TRHDE: variants seen among roughly 807,000 people sequenced by gnomAD.
The protein encoded by TRHDE is thyrotropin-releasing hormone-degrading ectoenzyme.
A neutral mutation model predicts 125.7 loss-of-function variants in TRHDE; 72 were observed. That is an observed-to-expected ratio of 0.57 (90% CI 0.47 to 0.70). The LOEUF is 0.70. TRHDE is among the 30% of genes least tolerant of loss of function. TRHDE has a pLI of 0.00. For synonymous variants in TRHDE, 509 were observed against 509.1 expected, an observed-to-expected ratio of 1.00 and a Z score of 0.00; for missense variants, 1,110 against 1,327.1, an observed-to-expected ratio of 0.84 and a Z score of 2.54.
At chr12:72,565,565 T>C (rs899790789) in intron 9 of TRHDE, among the ~76,000 whole-genome samples, 1 of 152,200 alleles carries the variant, frequency 6.6e-6, no homozygotes, top group Non-Finnish European at 1.5e-5. Context: ...AATGATTCCC[T>C]ATACACTGAG....
intron 2 of TRHDE, among the ~76,000 whole-genome samples, chr12:72,214,307 A>G (rs1301503414): frequency 1.3e-5 from 2 of 152,228 alleles, no homozygotes; most frequent in African/African-American, 4.8e-5. Flanking sequence ...TAATTTGACT[A>G]GAAATTAATA....
At chr12:72,464,027 A>G (rs1191571386) in intron 3 of TRHDE, among the ~76,000 whole-genome samples, 1 of 152,174 alleles carries the variant, frequency 6.6e-6, no homozygotes, top group Non-Finnish European at 1.5e-5. Flanking sequence ...AGGGCAAAAC[A>G]AAAAGCTGCA....
intron 3 of TRHDE, among the ~76,000 whole-genome samples, chr12:72,404,859 C>A (rs948072668): frequency 6.6e-6 from 1 of 152,122 alleles, no homozygotes; most frequent in Admixed American, 6.6e-5. Context: ...TAACCATGGG[C>A]AAGTTTGTTA....
intron 2 of TRHDE, among the ~76,000 whole-genome samples, chr12:72,226,133 C>T (rs1315101418): frequency 6.6e-6 from 1 of 152,210 alleles, no homozygotes; most frequent in Non-Finnish European, 1.5e-5. Flanking sequence ...ACCAGGATCT[C>T]TCCTTTATTT....
chr12:72,632,132 C>A (rs1330520952), intron 15 of TRHDE, among the ~76,000 whole-genome samples: 2 of 151,942 alleles, frequency 1.3e-5, no homozygotes, highest in Non-Finnish European at 1.5e-5. Flanking sequence ...AGACCTGGGT[C>A]GTGATTTGAA....
chr12:72,476,458 A>G (rs1466705797), intron 5 of TRHDE, among the ~76,000 whole-genome samples: 2 of 152,214 alleles, frequency 1.3e-5, no homozygotes, highest in African/African-American at 4.8e-5. Flanking sequence ...CATCAGCAAA[A>G]GAGTGAAAGA....
chr12:72,616,212 C>T (rs1486221080), intron 12 of TRHDE, among the ~76,000 whole-genome samples: 2 of 152,038 alleles, frequency 1.3e-5, no homozygotes, highest in African/African-American at 4.8e-5. Context: ...ATTTTTTTCA[C>T]ACAATGCCAG....
At chr12:72,557,090 C>G (rs902423978) in intron 7 of TRHDE, among the ~76,000 whole-genome samples, 11 of 152,152 alleles carry the variant, frequency 7.2e-5, no homozygotes, top group Admixed American at 2.0e-4. Context: ...GGGTAAAGTT[C>G]AAACAATGCC....
intron 2 of TRHDE, among the ~76,000 whole-genome samples, chr12:72,314,496 G>T (rs1868706594): frequency 6.6e-6 from 1 of 152,028 alleles, no homozygotes; most frequent in South Asian, 2.1e-4. Context: ...CACTATGGCA[G>T]CATTTACTGT....
chr12:72,491,884 T>A (rs1168040023), intron 5 of TRHDE, among the ~76,000 whole-genome samples: 1 of 152,032 alleles, frequency 6.6e-6, no homozygotes, highest in Non-Finnish European at 1.5e-5. Flanking sequence ...GTAATGCTTA[T>A]GCAAAATCAC....
At chr12:72,359,915 G>A (rs111718353) in intron 2 of TRHDE, among the ~76,000 whole-genome samples, 1 of 151,818 alleles carries the variant, frequency 6.6e-6, no homozygotes, top group East Asian at 1.9e-4. Context: ...CACGGTGAGA[G>A]ACTGACTAGC....
At chr12:72,484,303 G>A (rs866800973) in intron 5 of TRHDE, among the ~76,000 whole-genome samples, 48 of 152,220 alleles carry the variant, frequency 3.2e-4, no homozygotes, top group African/African-American at 1.1e-3. Context: ...AATTTAGCAT[G>A]CAGGAAAATA....
intron 2 of TRHDE, among the ~76,000 whole-genome samples, chr12:72,238,275 A>AATATATATATAT (rs71071820): frequency 7.8e-5 from 3 of 38,234 alleles, no homozygotes; most frequent in African/African-American, 2.7e-4. Context: ...TCAGATCCTT[A>AATATATATATAT]ATATATATAT....
At chr12:72,466,179 T>C (rs536479185) in intron 3 of TRHDE, among the ~76,000 whole-genome samples, 2 of 152,334 alleles carry the variant, frequency 1.3e-5, no homozygotes, top group East Asian at 3.9e-4. Flanking sequence ...CTTATGCTGT[T>C]AGTCAGGCTT....
chr12:72,325,492 T>C (rs1426504371), intron 2 of TRHDE, among the ~76,000 whole-genome samples: 2 of 152,088 alleles, frequency 1.3e-5, no homozygotes, highest in Non-Finnish European at 2.9e-5. Flanking sequence ...GAATTTGATG[T>C]TTTAGGAATA....
At chr12:72,334,998 A>T (rs1313104282) in intron 2 of TRHDE, among the ~76,000 whole-genome samples, 1 of 152,164 alleles carries the variant, frequency 6.6e-6, no homozygotes, top group Non-Finnish European at 1.5e-5. Flanking sequence ...CCTTTAAAGG[A>T]AGCAGCAGGA....
intron 3 of TRHDE, among the ~76,000 whole-genome samples, chr12:72,435,009 G>A (rs1037794560): frequency 6.6e-6 from 1 of 152,164 alleles, no homozygotes; most frequent in African/African-American, 2.4e-5. Flanking sequence ...ACAGAACTGA[G>A]GACTGAGGCA....
At chr12:72,512,604 T>G (rs1269723384) in intron 6 of TRHDE, among the ~76,000 whole-genome samples, 1 of 141,888 alleles carries the variant, frequency 7.0e-6, no homozygotes, top group African/African-American at 2.6e-5. Flanking sequence ...TAATCATATA[T>G]ATAATTATAT....
chr12:72,462,888 C>T (rs1379165905), intron 3 of TRHDE, among the ~76,000 whole-genome samples: 1 of 152,158 alleles, frequency 6.6e-6, no homozygotes, highest in Non-Finnish European at 1.5e-5. Context: ...GACACAGCAG[C>T]ATCTTTGTTA....
Sources: gnomAD v4.1 joint callset for allele counts (sites outside exome capture counted in the v4.1 genomes callset) on GRCh38, gnomAD v4.1.1 for gene constraint, MANE v1.5 for transcripts, NCBI Gene and HGNC (gene_info 2026-07-23, HGNC 2026-07-21) for gene names.